Variants in COLEC10 observed in about 807,000 individuals in gnomAD.
COLEC10 encodes collectin-10.
COLEC10 carries 22 observed loss-of-function variants against 28.4 expected under a neutral mutation model. The ratio of observed to expected loss-of-function variants is 0.78; its 90% CI spans 0.55 to 1.11. The LOEUF is 1.11. COLEC10 is among the 50% of genes least tolerant of loss of function. COLEC10 has a pLI of 0.00. For synonymous variants in COLEC10, 125 were observed against 116.1 expected (o/e 1.08, Z -0.49); for missense variants, 361 against 344.1 (o/e 1.05, Z -0.39).
intron 2 of COLEC10, among the ~76,000 whole-genome samples, chr8:119,039,542 A>G (rs908253562): frequency 2.1e-4 from 32 of 152,202 alleles, no homozygotes; most frequent in African/African-American, 7.2e-4. Flanking sequence ...CTGAAGACAT[A>G]AGGACATTTG....
At chr8:118,982,677 T>C in the COLEC10 span, 1 of 172,076 alleles carries the variant, frequency 5.8e-6, no homozygotes. Context: ...AGCTGAATCC[T>C]TTTCCTGGTG....
In COLEC10 at chr8:119,107,453, C is replaced by A. The variant is rs1815970308; in HGVS notation, c.*1262C>A. Among the ~76,000 whole-genome samples the A allele has an allele frequency of 6.6e-6, 1 of 152,186 alleles. No homozygotes were observed. The highest frequency in any genetic ancestry group is 1.5e-5 in the Non-Finnish European group (1 of 68,032). On this transcript the variant is annotated 3_prime_UTR_variant, in exon 6 of 6. Coordinates refer to ENST00000332843, the MANE Select transcript of COLEC10 (RefSeq NM_006438.5). Reference sequence around the variant, plus strand: ...CTCTAGATTATCACCCTATAAACTTCTACTCCAGTTATGGTTTCTGACATA... The same window carrying A: ...CTCTAGATTATCACCCTATAAACTTATACTCCAGTTATGGTTTCTGACATA...
intron 3 of COLEC10, 125 bp downstream of exon 3, chr8:119,091,345 C>A: frequency 2.8e-5 from 16 of 581,126 alleles, no homozygotes; most frequent in East Asian, 1.0e-4. Flanking sequence ...GCCAAGAATT[C>A]AAAACCAGCC....
chr8:119,038,365 A>G (rs938739565), intron 2 of COLEC10, among the ~76,000 whole-genome samples: 3 of 152,224 alleles, frequency 2.0e-5, no homozygotes, highest in African/African-American at 7.2e-5. Flanking sequence ...CAAAAATTGC[A>G]TGCTGGTTAA....
intron 1 of COLEC10, among the ~76,000 whole-genome samples, chr8:119,080,943 T>A (rs1219978767): frequency 6.6e-6 from 1 of 152,166 alleles, no homozygotes; most frequent in Non-Finnish European, 1.5e-5. Context: ...AGTATCAGTA[T>A]AATATTGTAT....
chr8:119,097,428 GA>G (rs1470376102), intron 3 of COLEC10, among the ~76,000 whole-genome samples: 5 of 151,742 alleles, frequency 3.3e-5, no homozygotes, highest in Admixed American at 3.3e-4. Flanking sequence ...TAATTATTAT[GA>G]AAAAAAGCAC....
At chr8:119,045,516 T>C (rs1424223790) in intron 2 of COLEC10, among the ~76,000 whole-genome samples, 2 of 152,222 alleles carry the variant, frequency 1.3e-5, no homozygotes, top group East Asian at 1.9e-4. Flanking sequence ...TTTTCTAGTG[T>C]TGATTGCTGA....
In COLEC10 at chr8:119,096,041, T is replaced by G. The variant is rs1815709433; in HGVS notation, c.292+4821T>G. Reference sequence around the variant, plus strand: ...AGCTAATCAATATATAGTACTGAGTTATTGGCTATTCATGTATAAAAATAA... The same window carrying G: ...AGCTAATCAATATATAGTACTGAGTGATTGGCTATTCATGTATAAAAATAA... On this transcript the variant is annotated intron_variant, in intron 3 of 5. Transcript: ENST00000332843. Among the ~76,000 whole-genome samples the G allele has an allele frequency of 2.0e-5, 3 of 151,330 alleles. No individual in the cohort carries two copies. The South Asian group carries it at 6.3e-4, about 32-fold the overall frequency.
chr8:119,089,648 G>A, intron 1 of COLEC10, 32 bp from the exon 2 acceptor site: 2 of 1,537,940 alleles, frequency 1.3e-6, no homozygotes, highest in Non-Finnish European at 1.8e-6. Context: ...TGTTTGAGAT[G>A]CTTCACTCTA....
At chr8:119,005,749 A>G (rs1009773281) in intron 1 of COLEC10, among the ~76,000 whole-genome samples, 1 of 152,148 alleles carries the variant, frequency 6.6e-6, no homozygotes, top group South Asian at 2.1e-4. Context: ...CTAAAATTTT[A>G]TCACTTGTGG....
intron 1 of COLEC10, among the ~76,000 whole-genome samples, chr8:119,077,730 T>C (rs528856336): frequency 1.3e-5 from 2 of 152,286 alleles, no homozygotes; most frequent in South Asian, 4.1e-4. Context: ...GTGGATAGGA[T>C]TGACATTTTA....
At chr8:119,072,457 A>T (rs549211484) in intron 1 of COLEC10, among the ~76,000 whole-genome samples, 1 of 152,224 alleles carries the variant, frequency 6.6e-6, no homozygotes, top group Non-Finnish European at 1.5e-5. Context: ...CTTTTGAGAA[A>T]AAAAGACTTT....
intron 1 of COLEC10, among the ~76,000 whole-genome samples, chr8:119,085,939 T>G (rs1815472624): frequency 6.6e-6 from 1 of 152,146 alleles, no homozygotes; most frequent in South Asian, 2.1e-4. Context: ...ATTCTAAGGC[T>G]GATCAGGAGA....
the COLEC10 span, among the ~76,000 whole-genome samples, chr8:118,970,760 A>G: frequency 3.3e-5 from 5 of 151,900 alleles, no homozygotes; most frequent in African/African-American, 1.2e-4. Flanking sequence ...TGTCATACCA[A>G]TAATGTAATG....
chr8:119,068,879 T>G (rs1429968237), intron 1 of COLEC10: 1 of 152,024 alleles, frequency 6.6e-6, no homozygotes, highest in Non-Finnish European at 1.5e-5. Context: ...TTCCTCTTCT[T>G]CATCCAGAGC....
chr8:119,004,434 C>G (rs3924060), intron 1 of COLEC10, among the ~76,000 whole-genome samples: 6,672 of 151,660 alleles, frequency 0.044, 215 homozygotes, highest in East Asian at 0.16. Flanking sequence ...GTCTTTCTGA[C>G]GCCATTGTTT....
intron 1 of COLEC10, among the ~76,000 whole-genome samples, chr8:119,085,770 AC>A (rs1815469546): frequency 6.6e-6 from 1 of 151,828 alleles, no homozygotes; most frequent in Admixed American, 6.6e-5. Context: ...GGCACCTGCC[AC>A]CAGGCCCAGC....
At chr8:118,978,710 G>A in the COLEC10 span, among the ~76,000 whole-genome samples, 2 of 151,996 alleles carry the variant, frequency 1.3e-5, no homozygotes, top group African/African-American at 4.8e-5. Flanking sequence ...GAGGCAAAAG[G>A]TATGTATTTG....
At chr8:118,988,570 C>T in the COLEC10 span, among the ~76,000 whole-genome samples, 4 of 152,072 alleles carry the variant, frequency 2.6e-5, no homozygotes, top group South Asian at 2.1e-4. Context: ...GCATCACTGG[C>T]GAAACATCTG....
Sources: allele counts gnomAD v4.1 joint callset (sites outside exome capture counted in the v4.1 genomes callset), GRCh38; gene constraint gnomAD v4.1.1; transcripts MANE v1.5; gene names NCBI Gene and HGNC (gene_info 2026-07-23, HGNC 2026-07-21).